XIRP2: variants seen among roughly 807,000 people sequenced by gnomAD.
XIRP2 encodes xin actin-binding repeat-containing protein 2.
In XIRP2, 236 loss-of-function variants were observed where a neutral mutation model predicts 277.0. The observed-to-expected ratio is 0.85, with a 90% CI of 0.77 to 0.95. The LOEUF is 0.95. Among genes scored for constraint, XIRP2 ranks in the 40% least tolerant of loss-of-function variants. XIRP2 has a pLI of 0.00. For missense variants in XIRP2, 4,640 were observed against 4,157.5 expected, an observed-to-expected ratio of 1.12 and a Z score of -3.19; for synonymous variants, 1,490 against 1,416.5, an observed-to-expected ratio of 1.05 and a Z score of -1.17.
chr2:167,208,456 C>A (rs945657179), intron 3 of XIRP2, among the ~76,000 whole-genome samples: 1 of 152,102 alleles, frequency 6.6e-6, no homozygotes, highest in Non-Finnish European at 1.5e-5. Context: ...TACAGGCGCC[C>A]GCCACCATGC....
In XIRP2 at chr2:167,251,870, G is replaced by A. The variant is rs747731105; in HGVS notation, c.10478G>A (p.Gly3493Asp). The A allele has an allele frequency of 2.5e-6, 4 of 1,609,524 alleles. No individual in the cohort carries two copies. In the African/African-American group the frequency reaches 4.0e-5, roughly 16 times the overall value. Reference sequence around the variant, plus strand: ...CAAGAGAGTGGAAGAGTTTTTAAAGGCCTGGGATATGCAACCGCAGATGCT... The same window carrying A: ...CAAGAGAGTGGAAGAGTTTTTAAAGACCTGGGATATGCAACCGCAGATGCT... ...TWQESGRVFK[G>D]LGYATADASA... Residue 3493 changes from glycine to aspartate, a missense_variant, in exon 9 of 11, where the codon GGC (glycine) becomes GAC (aspartate). Coordinates refer to ENST00000409195, the MANE Select transcript of XIRP2 (RefSeq NM_152381.6).
intron 2 of XIRP2, among the ~76,000 whole-genome samples, chr2:167,118,495 A>T (rs1264161590): frequency 2.1e-5 from 3 of 139,644 alleles, no homozygotes; most frequent in South Asian, 2.5e-4. Flanking sequence ...AAAATAAAAT[A>T]AAATAAAATA....
intron 2 of XIRP2, among the ~76,000 whole-genome samples, chr2:167,122,408 T>C (rs1443547196): frequency 6.6e-6 from 1 of 152,194 alleles, no homozygotes; most frequent in African/African-American, 2.4e-5. Context: ...CATTTGCACA[T>C]TCTAGGAGAA....
intron 3 of XIRP2, among the ~76,000 whole-genome samples, chr2:167,149,373 A>G (rs549017397): frequency 3.3e-5 from 5 of 152,326 alleles, no homozygotes; most frequent in Admixed American, 2.0e-4. Context: ...ATCAAAAATC[A>G]CAATAAACAT....
At chr2:166,943,919 T>G (rs900954811) in intron 2 of XIRP2, among the ~76,000 whole-genome samples, 1 of 152,208 alleles carries the variant, frequency 6.6e-6, no homozygotes, top group African/African-American at 2.4e-5. Flanking sequence ...CTTCAATTAT[T>G]TCTACTCCAA....
At chr2:167,077,052 A>G (rs1446560210) in intron 2 of XIRP2, among the ~76,000 whole-genome samples, 1 of 151,906 alleles carries the variant, frequency 6.6e-6, no homozygotes, top group African/African-American at 2.4e-5. Flanking sequence ...GGGTCTCGCT[A>G]TGTTGCCCAG....
intron 3 of XIRP2, among the ~76,000 whole-genome samples, chr2:167,186,401 A>T (rs1014599393): frequency 6.6e-6 from 1 of 152,214 alleles, no homozygotes. Flanking sequence ...GGCATTTTAT[A>T]TGAAATAGAG....
rs1301076115 is a variant in XIRP2 at position 167,248,767 on chromosome 2, A to G, written c.7375A>G (p.Thr2459Ala). ...GTCAGATATGGAATGTAAAATTACT[A>G]CCTCAAAGGATCAGAAAAAAGTAAT... ...SLSDMECKIT[T>A]SKDQKKVMVM... The change falls in exon 9 of 11, where the codon ACC becomes GCC. Residue 2459 changes from threonine to alanine, a missense_variant. Thr to Ala is a moderately conservative substitution (Grantham distance 58). Coordinates refer to ENST00000409195, the MANE Select transcript of XIRP2 (RefSeq NM_152381.6). 2 of 1,613,742 alleles carry G rather than the reference A, an allele frequency of 1.2e-6. No homozygotes were observed. Among genetic ancestry groups the G allele is most frequent in the South Asian group, 1.1e-5 (1 of 91,076 alleles).
intron 2 of XIRP2, among the ~76,000 whole-genome samples, chr2:166,960,206 T>C (rs1044777294): frequency 2.0e-5 from 3 of 151,668 alleles, no homozygotes; most frequent in African/African-American, 7.3e-5. Flanking sequence ...GAAAACTTGG[T>C]GGAGAGGGGA....
chr2:167,240,847 T>C, intron 7 of XIRP2, 111 bp downstream of exon 7: 3 of 910,102 alleles, frequency 3.3e-6, no homozygotes, highest in Non-Finnish European at 5.4e-6. Context: ...CTTTAGTAAC[T>C]ATGACTCATG....
rs778592354 is a variant in XIRP2, at chr2:167,248,615, A to G, written c.7223A>G (p.Gln2408Arg). 6.2e-6 allele frequency: 10 copies of G among 1,613,794 alleles called. No individual in the cohort carries two copies. The East Asian group carries it at 6.7e-5, about 11-fold the overall frequency. The change falls in exon 9 of 11, where the codon CAG becomes CGG. Residue 2408 changes from glutamine to arginine, a missense_variant. By Grantham distance (43) the Gln-to-Arg change is conservative. Transcript: ENST00000409195. Reference sequence around the variant, plus strand: ...GAAGCCTCGAACTCTCAGAATTCTCAGGCTAAAATCATAACAGGAAAAACC... The same window carrying G: ...GAAGCCTCGAACTCTCAGAATTCTCGGGCTAAAATCATAACAGGAAAAACC... ...QKEASNSQNS[Q>R]AKIITGKTGV...
rs145630731 is a variant in XIRP2 at position 167,057,833 on chromosome 2, AAT to A, written c.409-78073_409-78072del. On this transcript the variant is annotated intron_variant, in intron 2 of 10. Transcript: ENST00000409195. Reference sequence around the variant, plus strand: ...ACCTTTATCGCTTTGCTCAATATTTAATATCTCAATAACTTGAAGGAGGTATA... The same window carrying A: ...ACCTTTATCGCTTTGCTCAATATTTAATCTCAATAACTTGAAGGAGGTATA... 2.0e-3 allele frequency among the ~76,000 whole-genome samples: 309 copies of A among 152,204 alleles called. 11 individuals carry two copies. The East Asian group carries it at 0.054, about 27-fold the overall frequency.
chr2:167,017,437 A>T (rs183342675), intron 2 of XIRP2, among the ~76,000 whole-genome samples: 5 of 151,842 alleles, frequency 3.3e-5, no homozygotes, highest in Admixed American at 1.3e-4. Flanking sequence ...TTCTCCTCAC[A>T]CTCATCAGTC....
At chr2:167,198,501 A>G (rs1693584960) in intron 3 of XIRP2, among the ~76,000 whole-genome samples, 1 of 152,206 alleles carries the variant, frequency 6.6e-6, no homozygotes, top group Non-Finnish European at 1.5e-5. Context: ...TTACCTTTTC[A>G]CTTAAAGCAC....
intron 3 of XIRP2, among the ~76,000 whole-genome samples, chr2:167,171,010 C>T (rs1393358259): frequency 1.3e-5 from 2 of 150,906 alleles, no homozygotes; most frequent in Non-Finnish European, 2.9e-5. Flanking sequence ...AGTGATTCTC[C>T]TGCCTCAGCC....
intron 3 of XIRP2, among the ~76,000 whole-genome samples, chr2:167,155,169 A>G (rs961861486): frequency 4.6e-5 from 7 of 150,614 alleles, no homozygotes; most frequent in Admixed American, 2.0e-4. Context: ...CCAGAGGTAC[A>G]AGGAGGAACT....
At chr2:167,174,247 G>A (rs908172098) in intron 3 of XIRP2, among the ~76,000 whole-genome samples, 8 of 152,032 alleles carry the variant, frequency 5.3e-5, no homozygotes, top group African/African-American at 1.9e-4. Flanking sequence ...CTGGTCCTGG[G>A]CTTGTTTTGG....
At chr2:167,013,226 TATG>T (rs1252845638) in intron 2 of XIRP2, among the ~76,000 whole-genome samples, 1 of 151,498 alleles carries the variant, frequency 6.6e-6, no homozygotes, top group African/African-American at 2.4e-5. Flanking sequence ...CATGCAAATA[TATG>T]ATATCAGATG....
chr2:167,259,100 A>G lies in XIRP2; in HGVS notation c.*1283A>G, dbSNP rs929690697. The G allele has an allele frequency of 3.7e-6, 6 of 1,611,700 alleles. No individual in the cohort carries two copies. The highest frequency in any genetic ancestry group is 4.5e-5 in the East Asian group (2 of 44,782). ...CACTGCATTTTCCAAGAAAAATGAG[A>G]ACATTTTCAATTGTGATTTAATAGA... is the stretch of plus-strand genomic sequence containing the variant. On this transcript the variant is annotated 3_prime_UTR_variant, in exon 11 of 11. Coordinates refer to ENST00000409195, the MANE Select transcript of XIRP2 (RefSeq NM_152381.6).
Sources: allele counts gnomAD v4.1 joint callset (sites outside exome capture counted in the v4.1 genomes callset), GRCh38; gene constraint gnomAD v4.1.1; transcripts MANE v1.5; gene names NCBI Gene and HGNC (gene_info 2026-07-23, HGNC 2026-07-21).